The following TRAM2 variants were observed in gnomAD, a reference collection of about 807,000 sequenced individuals.
TRAM2 encodes translocation associated membrane protein 2, also known as translocating chain-associated membrane protein 2.
A neutral mutation model predicts 51.0 loss-of-function variants in TRAM2; 12 were observed. That is an observed-to-expected ratio of 0.24 (90% CI 0.15 to 0.38). The LOEUF (loss-of-function observed/expected upper bound fraction) is 0.38, where lower values mean the gene tolerates loss of function less well. TRAM2 is among the 10% of genes least tolerant of loss of function. The pLI is 1.00. For synonymous variants in TRAM2, 175 were observed against 179.4 expected (o/e 0.98, Z 0.20); for missense variants, 361 against 462.0 (o/e 0.78, Z 2.00).
intron 2 of TRAM2, among the ~76,000 whole-genome samples, chr6:52,530,147 T>C (rs1425631370): frequency 2.0e-5 from 3 of 152,228 alleles, no homozygotes; most frequent in African/African-American, 7.2e-5. Context: ...TCTGAAAATT[T>C]AACTGGCAGT....
At chr6:52,511,091 T>C (rs955846503) in intron 4 of TRAM2, among the ~76,000 whole-genome samples, 1 of 152,330 alleles carries the variant, frequency 6.6e-6, no homozygotes, top group East Asian at 1.9e-4. Context: ...AAGGATCTCC[T>C]GAAATAAGAT....
chr6:52,562,381 T>C (rs545192720), intron 1 of TRAM2, among the ~76,000 whole-genome samples: 2 of 151,978 alleles, frequency 1.3e-5, no homozygotes, highest in East Asian at 3.9e-4. Flanking sequence ...CAAGTGAAAA[T>C]AGGAAGCATG....
chr6:52,507,319 T>C (rs376328932), intron 7 of TRAM2, among the ~76,000 whole-genome samples: 7 of 152,376 alleles, frequency 4.6e-5, no homozygotes, highest in African/African-American at 1.7e-4. Context: ...TACTGTGTTA[T>C]GGTGTTCATC....
chr6:52,567,630 G>A (rs529418557), intron 1 of TRAM2, among the ~76,000 whole-genome samples: 15 of 152,278 alleles, frequency 9.9e-5, no homozygotes, highest in African/African-American at 3.1e-4. Flanking sequence ...AAATTTCTGC[G>A]GATGAATCAG....
Position 52,500,534 on chromosome 6 carries a change from T to G in TRAM2, c.*2663A>C, listed in dbSNP as rs11752918. 0.13 allele frequency: 19,464 copies of G among 147,746 alleles called. 1,689 individuals are homozygous for G. Among genetic ancestry groups the G allele is most frequent in the East Asian group, 0.45 (2,291 of 5,116 alleles). 9.2% of individuals were successfully genotyped at this position (147,746 alleles called of 1,614,324 possible). Reference sequence around the variant, plus strand: ...GGTCTCAGGGTTTTTTTTTGTTTTTTTTTTTTTTTTTACATAAAATAAACC... The same window carrying G: ...GGTCTCAGGGTTTTTTTTTGTTTTTGTTTTTTTTTTTACATAAAATAAACC... On this transcript the variant is annotated 3_prime_UTR_variant, in exon 11 of 11. Transcript: ENST00000182527.
intron 1 of TRAM2, among the ~76,000 whole-genome samples, chr6:52,570,809 A>G (rs1451382683): frequency 6.4e-5 from 1 of 15,748 alleles, no homozygotes; most frequent in African/African-American, 2.3e-4. Flanking sequence ...CCCCCCCCAC[A>G]CGCACACACA....
At chr6:52,503,914 C>A (rs761342144) in intron 10 of TRAM2, among the ~76,000 whole-genome samples, 1 of 152,218 alleles carries the variant, frequency 6.6e-6, no homozygotes, top group Admixed American at 6.5e-5. Context: ...CAGCTGCGCG[C>A]GTGTCTGGTT....
intron 1 of TRAM2, among the ~76,000 whole-genome samples, chr6:52,556,742 A>G (rs981414608): frequency 1.2e-4 from 19 of 152,082 alleles, no homozygotes; most frequent in African/African-American, 4.3e-4. Context: ...GGCCTGGCCA[A>G]CATGGCAAAA....
In TRAM2 at chr6:52,498,474, G is replaced by T. The variant is rs1479195460; in HGVS notation, c.*4723C>A. The T allele has an allele frequency of 2.0e-5, 3 of 152,216 alleles. No homozygotes were observed. The highest frequency in any genetic ancestry group is 4.4e-5 in the Non-Finnish European group (3 of 68,046). The allele number at this position is 152,216 out of a possible 1,614,324, so 9.4% of individuals were successfully genotyped here. On this transcript the variant is annotated 3_prime_UTR_variant, in exon 11 of 11. Transcript: ENST00000182527. Reference sequence around the variant, plus strand: ...GAATGGGAAGCAAAATAGACCAAAAGAGGTTACGGCAAGTGGGCCTTTTAA... The same window carrying T: ...GAATGGGAAGCAAAATAGACCAAAATAGGTTACGGCAAGTGGGCCTTTTAA...
chr6:52,528,673 G>C (rs554978874), intron 2 of TRAM2, among the ~76,000 whole-genome samples: 1 of 152,144 alleles, frequency 6.6e-6, no homozygotes, highest in South Asian at 2.1e-4. Flanking sequence ...GCTGCAAAAT[G>C]CAACAGAGCA....
At position 52,509,685 on chromosome 6, in the gene TRAM2, C is replaced by T. The variant is rs1344700048; in HGVS notation, c.412-99G>A. ...GGGTCAGGGATGCATCCAGTCCCCA[C>T]CTGACAGAAAGAGGAAGGAACAGGA... is the stretch of plus-strand genomic sequence containing the variant. On this transcript the variant is annotated intron_variant, in intron 4 of 10. Coordinates refer to ENST00000182527, the MANE Select transcript of TRAM2 (RefSeq NM_012288.4). The T allele has an allele frequency of 8.0e-6, 8 of 997,554 alleles. No individual in the cohort carries two copies. The East Asian group carries it at 1.5e-4, about 19-fold the overall frequency. 61.8% of individuals were successfully genotyped at this position (997,554 alleles called of 1,614,324 possible). A position where few individuals can be genotyped will look rare whatever the true frequency, so the allele number is the denominator to read the frequency against.
chr6:52,504,890 T>C (rs1047446022), intron 9 of TRAM2, 136 bp from the exon 10 acceptor site: 4 of 698,742 alleles, frequency 5.7e-6, no homozygotes, highest in East Asian at 2.7e-5. Context: ...ACTGGCCCTC[T>C]TCGATACCAC....
At chr6:52,545,425 G>C (rs1183667812) in intron 1 of TRAM2, among the ~76,000 whole-genome samples, 1 of 152,208 alleles carries the variant, frequency 6.6e-6, no homozygotes, top group Non-Finnish European at 1.5e-5. Flanking sequence ...TTAAGCTTTT[G>C]CCAAGAAGCA....
At chr6:52,541,803 G>GTTTTTTTTTTT (rs56919932) in intron 1 of TRAM2, among the ~76,000 whole-genome samples, 6 of 138,694 alleles carry the variant, frequency 4.3e-5, no homozygotes, top group Non-Finnish European at 6.2e-5. Context: ...AGTTTATTCT[G>GTTTTTTTTTTT]TTTTTTTTTT....
chr6:52,527,868 A>C (rs1766812959), intron 2 of TRAM2, among the ~76,000 whole-genome samples: 1 of 152,222 alleles, frequency 6.6e-6, no homozygotes, highest in Non-Finnish European at 1.5e-5. Flanking sequence ...ACACTTAATA[A>C]GTTTTAGTTA....
At chr6:52,514,989 T>C (rs1295215720) in intron 4 of TRAM2, among the ~76,000 whole-genome samples, 1 of 152,158 alleles carries the variant, frequency 6.6e-6, no homozygotes, top group African/African-American at 2.4e-5. Context: ...AGCTGCTCTA[T>C]GATGAAATGA....
At position 52,515,993 on chromosome 6, in the gene TRAM2, GAGAATGGCTCAC is replaced by G; in HGVS notation, c.411+1_411+12del. On this transcript the variant is annotated splice_donor_variant and splice_donor_5th_base_variant and intron_variant, in intron 4 of 10. Coordinates refer to ENST00000182527, the MANE Select transcript of TRAM2 (RefSeq NM_012288.4). LOFTEE classifies it high-confidence loss of function. ...TGAGCTCTCCCGCTTCAGCAGTCCTGAGAATGGCTCACCGTCACCACCACGTAGAAGCACCAA... is the reference window on the plus strand; with the variant it reads ...TGAGCTCTCCCGCTTCAGCAGTCCTGCGTCACCACCACGTAGAAGCACCAA... 1 of 1,613,084 alleles carries G rather than the reference GAGAATGGCTCAC, an allele frequency of 6.2e-7. No homozygotes were observed. Among genetic ancestry groups the G allele is most frequent in the Non-Finnish European group, 8.5e-7 (1 of 1,179,090 alleles).
chr6:52,552,126 C>T (rs1199112561), intron 1 of TRAM2, among the ~76,000 whole-genome samples: 5 of 152,246 alleles, frequency 3.3e-5, no homozygotes, highest in Non-Finnish European at 5.9e-5. Flanking sequence ...CCAGACTGAG[C>T]CCTGGCAAGA....
At chr6:52,545,564 A>C (rs1581694889) in intron 1 of TRAM2, among the ~76,000 whole-genome samples, 1 of 152,046 alleles carries the variant, frequency 6.6e-6, no homozygotes, top group Admixed American at 6.5e-5. Context: ...AATTGGGAGC[A>C]TGGTTCTCTT....
Sources: allele counts gnomAD v4.1 joint callset (sites outside exome capture counted in the v4.1 genomes callset), GRCh38; gene constraint gnomAD v4.1.1; transcripts MANE v1.5; gene names NCBI Gene and HGNC (gene_info 2026-07-23, HGNC 2026-07-21).